Variants in MACC1 observed in about 807,000 individuals in gnomAD.
The protein encoded by MACC1 is MET transcriptional regulator MACC1.
In MACC1, 79 loss-of-function variants were observed where a neutral mutation model predicts 70.7. That is an observed-to-expected ratio of 1.12 (90% CI 0.93 to 1.35). The LOEUF (loss-of-function observed/expected upper bound fraction) is 1.35. MACC1 is among the 40% of genes most tolerant of loss of function. The pLI is 0.00. For synonymous variants in MACC1, 361 were observed against 347.2 expected, an observed-to-expected ratio of 1.04 and a Z score of -0.44; for missense variants, 1,106 against 978.1, an observed-to-expected ratio of 1.13 and a Z score of -1.74.
intron 2 of MACC1, among the ~76,000 whole-genome samples, chr7:20,165,491 T>C (rs1782202354): frequency 6.6e-6 from 1 of 151,138 alleles, no homozygotes; most frequent in African/African-American, 2.4e-5. Context: ...AGTACCATCC[T>C]AAATCTAAAT....
At chr7:20,150,816 G>T (rs994194130) in intron 6 of MACC1, among the ~76,000 whole-genome samples, 2 of 152,184 alleles carry the variant, frequency 1.3e-5, no homozygotes, top group Non-Finnish European at 2.9e-5. Flanking sequence ...GGAGGCCGAG[G>T]TGAGTGGATC....
chr7:20,182,274 T>C (rs913776040), intron 1 of MACC1, among the ~76,000 whole-genome samples: 9 of 151,916 alleles, frequency 5.9e-5, no homozygotes, highest in African/African-American at 1.7e-4. Context: ...CACACCAACA[T>C]GGCACATGTA....
At position 20,135,015 on chromosome 7, in the gene MACC1, G is replaced by A. The variant is rs1159949963; in HGVS notation, c.*5931C>T. The A allele has an allele frequency of 6.6e-6, 1 of 152,178 alleles. No individual in the cohort carries two copies. The highest frequency in any genetic ancestry group is 1.5e-5 in the Non-Finnish European group (1 of 68,030). The allele number at this position is 152,178 out of a possible 1,614,324, so 9.4% of individuals were successfully genotyped here. On this transcript the variant is annotated 3_prime_UTR_variant, in exon 7 of 7. Transcript: ENST00000400331. Reference sequence around the variant, plus strand: ...TATTAACACTTTCTAATTCTACAGTGAAAGCAGGGCATATAGATAGCTGTA... The same window carrying A: ...TATTAACACTTTCTAATTCTACAGTAAAAGCAGGGCATATAGATAGCTGTA...
chr7:20,136,870 GATT>G lies in MACC1; in HGVS notation c.*4073_*4075del, dbSNP rs1191987007. ...TTAATTGTAATTATTAATTCTTAAA[GATT>G]ATTAATTATAATATTAAATTATATT... is the stretch of plus-strand genomic sequence containing the variant. On this transcript the variant is annotated 3_prime_UTR_variant, in exon 7 of 7. Coordinates refer to ENST00000400331, the MANE Select transcript of MACC1 (RefSeq NM_182762.4). 1.4e-5 allele frequency: 2 copies of G among 140,250 alleles called. No homozygotes were observed. Among genetic ancestry groups the G allele is most frequent in the African/African-American group, 2.5e-5 (1 of 40,250 alleles). 8.7% of individuals were successfully genotyped at this position (140,250 alleles called of 1,614,324 possible).
At chr7:20,149,489 C>A (rs560424220) in intron 6 of MACC1, among the ~76,000 whole-genome samples, 1 of 152,248 alleles carries the variant, frequency 6.6e-6, no homozygotes, top group East Asian at 1.9e-4. Flanking sequence ...CTCCTTACTT[C>A]ACAGACACAC....
chr7:20,190,464 C>G (rs954323717), intron 1 of MACC1, among the ~76,000 whole-genome samples: 1 of 152,006 alleles, frequency 6.6e-6, no homozygotes, highest in Non-Finnish European at 1.5e-5. Context: ...AAAACTTTCT[C>G]AATATAAATT....
chr7:20,215,645 A>G (rs963273013), intron 1 of MACC1, among the ~76,000 whole-genome samples: 8 of 152,224 alleles, frequency 5.3e-5, no homozygotes, highest in East Asian at 1.9e-4. Context: ...ACCAAATGCC[A>G]TAAGGGATGT....
intron 5 of MACC1, among the ~76,000 whole-genome samples, chr7:20,156,904 T>A (rs1240443019): frequency 6.6e-6 from 1 of 152,230 alleles, no homozygotes; most frequent in Non-Finnish European, 1.5e-5. Context: ...ATTTACCTTC[T>A]ACAGAGCACC....
chr7:20,194,823 T>G (rs1171355271), intron 1 of MACC1, among the ~76,000 whole-genome samples: 1 of 152,206 alleles, frequency 6.6e-6, no homozygotes, highest in Non-Finnish European at 1.5e-5. Flanking sequence ...CTAAATCAAT[T>G]GCAATCAAAA....
Position 20,174,553 on chromosome 7 carries a change from A to T in MACC1, c.-217-3775T>A, listed in dbSNP as rs559591012. On this transcript the variant is annotated intron_variant, in intron 1 of 6. Coordinates refer to ENST00000400331, the MANE Select transcript of MACC1 (RefSeq NM_182762.4). ...GCCTTGTGTGGGTATACAAACATAT[A>T]CAGCTTGCAGAGTTTTTTAATAAAG... Among the ~76,000 whole-genome samples the T allele has an allele frequency of 2.6e-5, 4 of 152,302 alleles. No homozygotes were observed. The South Asian group carries it at 8.3e-4, about 32-fold the overall frequency.
In MACC1 at chr7:20,160,012, CG is replaced by C. The variant is rs1562586414; in HGVS notation, c.348del (p.Gly117ValfsTer31). 1 of 1,612,224 alleles carries C rather than the reference CG, an allele frequency of 6.2e-7. No individual in the cohort carries two copies. Among genetic ancestry groups the C allele is most frequent in the Non-Finnish European group, 8.5e-7 (1 of 1,179,446 alleles). On this transcript the variant is annotated frameshift_variant, in exon 5 of 7. Coordinates refer to ENST00000400331, the MANE Select transcript of MACC1 (RefSeq NM_182762.4). LOFTEE classifies it high-confidence loss of function. ...AACTGATGCACATCAAGTTCATCACCGGAGGAATCAAAAGAATTTCCATTTT... is the reference window on the plus strand; with the variant it reads ...AACTGATGCACATCAAGTTCATCACCGAGGAATCAAAAGAATTTCCATTTT... ...EIENGNSFDSSGDELDVHQLL... is the reference protein window; with the variant it reads ...EIENGNSFDSXGDELDVHQLL...
chr7:20,139,860 ACATG>A lies in MACC1; in HGVS notation c.*1082_*1085del, dbSNP rs1425688297. On this transcript the variant is annotated 3_prime_UTR_variant, in exon 7 of 7. Transcript: ENST00000400331. ...CACACACACACACACACACACACAC[ACATG>A]TGTTTGCATGAGCATGCCAACATAA... 18 of 148,924 alleles carry A rather than the reference ACATG, an allele frequency of 1.2e-4. No individual in the cohort carries two copies. Among genetic ancestry groups the A allele is most frequent in the African/African-American group, 4.6e-4 (18 of 38,850 alleles). 9.2% of individuals were successfully genotyped at this position (148,924 alleles called of 1,614,324 possible).
rs996890514 is a variant in MACC1, at chr7:20,135,850, A to C, written c.*5096T>G. The stretch of plus-strand genomic sequence containing the variant: ...TGGAAGTCACCAATTGTTCAAAAAC[A>C]GTGTGTATTACATAATCAATTTCAA... On this transcript the variant is annotated 3_prime_UTR_variant, in exon 7 of 7. Coordinates refer to ENST00000400331, the MANE Select transcript of MACC1 (RefSeq NM_182762.4). The C allele has an allele frequency of 6.6e-6, 1 of 152,226 alleles. No homozygotes were observed. Among genetic ancestry groups the C allele is most frequent in the Admixed American group, 6.5e-5 (1 of 15,286 alleles). 9.4% of individuals were successfully genotyped at this position (152,226 alleles called of 1,614,324 possible). A position where few individuals can be genotyped will look rare whatever the true frequency, so the allele number is the denominator to read the frequency against.
At chr7:20,143,582 G>T (rs1013112725) in intron 6 of MACC1, among the ~76,000 whole-genome samples, 4 of 152,056 alleles carry the variant, frequency 2.6e-5, no homozygotes, top group African/African-American at 9.7e-5. Context: ...GTAGAGACAG[G>T]GTTTCACCAC....
intron 1 of MACC1, among the ~76,000 whole-genome samples, chr7:20,180,186 T>A (rs912689579): frequency 1.4e-4 from 21 of 152,192 alleles, no homozygotes; most frequent in African/African-American, 3.1e-4. Context: ...GTCTCATGCC[T>A]GTAATCCCAG....
rs763075771 is a variant in MACC1, at chr7:20,141,142, G to T, written c.2363C>A (p.Ala788Asp). The T allele has an allele frequency of 6.2e-7, 1 of 1,600,540 alleles. No homozygotes were observed. ...DVAVEMMWKPAYDFLYTWSAH... is the reference protein window; with the variant it reads ...DVAVEMMWKPDYDFLYTWSAH... Reference sequence around the variant, plus strand: ...ACTCCAGGTATACAGAAAATCATAGGCAGGTTTCCACATCATCTATAAAGA... The same window carrying T: ...ACTCCAGGTATACAGAAAATCATAGTCAGGTTTCCACATCATCTATAAAGA... Residue 788 changes from alanine to aspartate, a missense_variant, in exon 7 of 7, where the codon GCC (alanine) becomes GAC (aspartate). Ala to Asp is a moderately radical substitution (Grantham distance 126, BLOSUM62 -2). Coordinates refer to ENST00000400331, the MANE Select transcript of MACC1 (RefSeq NM_182762.4).
intron 6 of MACC1, among the ~76,000 whole-genome samples, chr7:20,149,763 C>G (rs1430857593): frequency 6.6e-6 from 1 of 152,170 alleles, no homozygotes; most frequent in Non-Finnish European, 1.5e-5. Context: ...TTCTATTCCT[C>G]TCCAATTACT....
At chr7:20,200,684 C>T (rs1164874043) in intron 1 of MACC1, among the ~76,000 whole-genome samples, 3 of 152,218 alleles carry the variant, frequency 2.0e-5, no homozygotes, top group Admixed American at 6.5e-5. Context: ...AATCTTTTCA[C>T]TGATGCACAG....
chr7:20,197,633 A>AT (rs1484172687), intron 1 of MACC1, among the ~76,000 whole-genome samples: 3 of 152,210 alleles, frequency 2.0e-5, no homozygotes, highest in Non-Finnish European at 2.9e-5. Context: ...AGTGTGGCTT[A>AT]TTTTGCAAAC....
Sources: allele counts gnomAD v4.1 joint callset (sites outside exome capture counted in the v4.1 genomes callset), GRCh38; gene constraint gnomAD v4.1.1; transcripts MANE v1.5; gene names NCBI Gene and HGNC (gene_info 2026-07-23, HGNC 2026-07-21).